NEO1: variants seen among roughly 807,000 people sequenced by gnomAD.
NEO1 encodes the protein neogenin 1.
Under a neutral mutation model 159.7 loss-of-function variants are expected in NEO1, and 63 were observed. The observed-to-expected ratio is 0.39, with a 90% CI of 0.32 to 0.49. NEO1 has a LOEUF of 0.49. Ranked by LOEUF, NEO1 falls within the 20% of genes least tolerant of loss-of-function variation. NEO1 has a pLI of 0.85. For synonymous variants in NEO1, 633 were observed against 662.0 expected, an observed-to-expected ratio of 0.96 and a Z score of 0.67; for missense variants, 1,615 against 1,831.0, an observed-to-expected ratio of 0.88 and a Z score of 2.15.
chr15:73,259,805 A>G (rs749212087), intron 14 of NEO1, among the ~76,000 whole-genome samples: 5 of 152,308 alleles, frequency 3.3e-5, no homozygotes, highest in African/African-American at 4.8e-5. Context: ...CTGACTTACC[A>G]TACTACTTAG....
intron 7 of NEO1, among the ~76,000 whole-genome samples, chr15:73,211,165 C>T (rs2037536217): frequency 6.6e-6 from 1 of 152,192 alleles, no homozygotes; most frequent in Non-Finnish European, 1.5e-5. Context: ...ATAACTAGTA[C>T]TGGACTAGGC....
rs748463451 is a variant in NEO1 at position 73,178,337 on chromosome 15, G to A, written c.1201G>A (p.Val401Met). Residue 401 changes from valine (V) to methionine (M), a missense_variant, in exon 7 of 29, where the codon GTG becomes ATG. By Grantham distance (21) the Val-to-Met change is conservative (BLOSUM62 1). This residue lies in a region of NEO1 where 1,018 missense variants were observed against 1,115.4 expected (regional missense o/e 0.91). Transcript: ENST00000261908. ...KEHNLQVLGL[V>M]KSDEGFYQCI... ...ACATAATCTTCAAGTTTTGGGTCTG[G>A]TGAAATCAGATGAAGGGTTCTATCA... 1.2e-6 allele frequency: 2 copies of A among 1,613,336 alleles called. No individual in the cohort carries two copies. The highest frequency in any genetic ancestry group is 2.2e-5 in the East Asian group (1 of 44,824).
chr15:73,080,532 T>G (rs2068989269), intron 1 of NEO1, among the ~76,000 whole-genome samples: 1 of 152,042 alleles, frequency 6.6e-6, no homozygotes, highest in African/African-American at 2.4e-5. Flanking sequence ...TCCATTTTTT[T>G]TTTTCTTCAA....
intron 3 of NEO1, 79 bp from the exon 4 acceptor site, chr15:73,126,338 G>A (rs2030236989): frequency 6.8e-6 from 9 of 1,329,298 alleles, no homozygotes; most frequent in South Asian, 5.9e-5. Flanking sequence ...CCAAAGTATC[G>A]GGATTATGGG....
chr15:73,108,264 ACT>A (rs2070789837), intron 1 of NEO1, among the ~76,000 whole-genome samples: 1 of 152,156 alleles, frequency 6.6e-6, no homozygotes, highest in Non-Finnish European at 1.5e-5. Context: ...CATTAATGGT[ACT>A]GTTTGCAGGT....
At chr15:73,236,814 A>G (rs1257661980) in intron 8 of NEO1, among the ~76,000 whole-genome samples, 2 of 152,170 alleles carry the variant, frequency 1.3e-5, no homozygotes, top group Non-Finnish European at 2.9e-5. Context: ...ATTAAGGTAG[A>G]CTTAATTTAT....
intron 13 of NEO1, among the ~76,000 whole-genome samples, chr15:73,256,821 G>T (rs897342447): frequency 3.9e-5 from 6 of 152,104 alleles, no homozygotes; most frequent in Admixed American, 6.5e-5. Context: ...GAGCGTGGTG[G>T]CTCACGCCTG....
In NEO1 at chr15:73,178,379, G is replaced by T; in HGVS notation, c.1243G>T (p.Asp415Tyr). The part of the protein sequence containing the change: ...EGFYQCIAEN[D>Y]VGNAQAGAQL... ...GTTCTATCAGTGCATTGCTGAAAATGATGTTGGAAATGCACAAGCTGGAGC... is the reference window on the plus strand; with the variant it reads ...GTTCTATCAGTGCATTGCTGAAAATTATGTTGGAAATGCACAAGCTGGAGC... The change falls in exon 7 of 29, where the codon GAT becomes TAT. Residue 415 changes from aspartate to tyrosine, a missense_variant. Transcript: ENST00000261908. The T allele has an allele frequency of 6.2e-7, 1 of 1,613,854 alleles. No homozygotes were observed. The highest frequency in any genetic ancestry group is 8.5e-7 in the Non-Finnish European group (1 of 1,179,850).
intron 1 of NEO1, among the ~76,000 whole-genome samples, chr15:73,057,458 A>G (rs1046938563): frequency 1.6e-4 from 25 of 152,338 alleles, no homozygotes; most frequent in African/African-American, 5.5e-4. Context: ...GTTTCTGGGT[A>G]AAATTGCATC....
At chr15:73,228,910 C>T (rs1002368330) in intron 7 of NEO1, among the ~76,000 whole-genome samples, 2 of 152,118 alleles carry the variant, frequency 1.3e-5, no homozygotes, top group Non-Finnish European at 2.9e-5. Flanking sequence ...TATTTCTGGA[C>T]ACTGAATTAT....
chr15:73,125,158 T>G (rs1305143256), intron 3 of NEO1, among the ~76,000 whole-genome samples: 2 of 152,236 alleles, frequency 1.3e-5, no homozygotes, highest in Non-Finnish European at 2.9e-5. Context: ...TTTTGCTTAC[T>G]TAAGTAAGGG....
chr15:73,205,320 A>T (rs2037148032), intron 7 of NEO1, among the ~76,000 whole-genome samples: 2 of 152,150 alleles, frequency 1.3e-5, no homozygotes, highest in Admixed American at 6.5e-5. Context: ...ATTCTCTTCT[A>T]ACCCCCACTT....
rs2150937278 is a variant in NEO1 at position 73,249,612 on chromosome 15, C to T, written c.1785C>T (p.Thr595=). Residue 595 remains threonine (T), a synonymous_variant, in exon 11 of 29, where the codon ACC becomes ACT. Transcript: ENST00000261908. ...TTGATGTTTCAAGTCACTCTTACAC[C>T]ATTAATGGGTTGAAAAAATATACAG... ...QDVDVSSHSY[T]INGLKKYTEY... The T allele has an allele frequency of 6.2e-6, 10 of 1,612,962 alleles. No homozygotes were observed. Among genetic ancestry groups the T allele is most frequent in the Non-Finnish European group, 8.5e-6 (10 of 1,179,574 alleles).
rs190583910 is a variant in NEO1, at chr15:73,251,771, G to A, written c.1895-1629G>A. Among the ~76,000 whole-genome samples the A allele has an allele frequency of 2.1e-3, 320 of 152,218 alleles. 1 individual carries two copies. The highest frequency in any genetic ancestry group is 7.3e-3 in the African/African-American group (305 of 41,534). On this transcript the variant is annotated intron_variant, in intron 11 of 28. Coordinates refer to ENST00000261908, the MANE Select transcript of NEO1 (RefSeq NM_002499.4). Reference sequence around the variant, plus strand: ...GCTAGGGGCAGCACTTTGGAATAACGCAAATCTTGGTTCCGATGCCAGGTG... The same window carrying A: ...GCTAGGGGCAGCACTTTGGAATAACACAAATCTTGGTTCCGATGCCAGGTG...
chr15:73,288,977 G>A, intron 24 of NEO1, 169 bp from the exon 25 acceptor site: 1 of 610,220 alleles, frequency 1.6e-6, no homozygotes, highest in Non-Finnish European at 2.9e-6. Flanking sequence ...AGGAACTCTT[G>A]TAATGCTCTA....
intron 7 of NEO1, among the ~76,000 whole-genome samples, chr15:73,235,333 T>G (rs1030993775): frequency 5.9e-5 from 9 of 152,210 alleles, no homozygotes; most frequent in Non-Finnish European, 1.0e-4. Flanking sequence ...GAGATTAAAC[T>G]TGTACTCTCT....
chr15:73,077,031 AT>A (rs2068801032), intron 1 of NEO1, among the ~76,000 whole-genome samples: 1 of 152,078 alleles, frequency 6.6e-6, no homozygotes, highest in African/African-American at 2.4e-5. Context: ...TAACATAGCA[AT>A]TTTTTTAAAT....
chr15:73,161,860 G>T, intron 5 of NEO1: 1 of 219,142 alleles, frequency 4.6e-6, no homozygotes, highest in Non-Finnish European at 9.3e-6. Flanking sequence ...TGACGAACTT[G>T]GCTTCCACTT....
chr15:73,147,829 T>A (rs561689112), intron 5 of NEO1, among the ~76,000 whole-genome samples: 2 of 152,072 alleles, frequency 1.3e-5, no homozygotes, highest in South Asian at 2.1e-4. Context: ...TTTTTTTTTT[T>A]TTGAGACAAA....
Sources: gnomAD v4.1 joint callset for allele counts (sites outside exome capture counted in the v4.1 genomes callset) on GRCh38, gnomAD v4.1.1 for gene constraint, gnomAD v4.1.1 regional missense constraint, MANE v1.5 for transcripts, NCBI Gene and HGNC (gene_info 2026-07-23, HGNC 2026-07-21) for gene names.